SRD5A2: variants seen among roughly 807,000 people sequenced by gnomAD.
The protein encoded by SRD5A2 is 3-oxo-5-alpha-steroid 4-dehydrogenase 2.
SRD5A2 carries 30 observed loss-of-function variants against 27.4 expected under a neutral mutation model. The observed-to-expected ratio is 1.10, with a 90% CI of 0.82 to 1.49. The LOEUF (loss-of-function observed/expected upper bound fraction) is 1.49, where lower values mean the gene tolerates loss of function less well. SRD5A2 is among the 40% of genes most tolerant of loss of function. The probability of loss-of-function intolerance (pLI) is 0.00; values close to 1 mark genes in which losing one functional copy is unlikely to be tolerated. For missense variants in SRD5A2, 348 were observed against 323.4 expected, an observed-to-expected ratio of 1.08 and a Z score of -0.58; for synonymous variants, 141 against 133.6, an observed-to-expected ratio of 1.06 and a Z score of -0.38.
At chr2:31,595,887 G>A in the SRD5A2 span, among the ~76,000 whole-genome samples, 2 of 152,120 alleles carry the variant, frequency 1.3e-5, no homozygotes, top group Admixed American at 6.5e-5. Flanking sequence ...CTGGGACGCA[G>A]GGTTGGCTTA....
Position 31,533,734 on chromosome 2 carries a change from C to A in SRD5A2, c.314G>T (p.Arg105Met). ...GAGAATGAGTATAGCTGGATAAGGC[C>A]TCCCTCGATTGAGCAGTGAGTACAC... Reference protein sequence around the residue: ...TFVYSLLNRGRPYPAILILRG... With the variant: ...TFVYSLLNRGMPYPAILILRG... Residue 105 changes from arginine to methionine, a missense_variant, in exon 2 of 5, where the codon AGG becomes ATG. By Grantham distance (91) the Arg-to-Met change is moderately conservative. Coordinates refer to ENST00000622030, the MANE Select transcript of SRD5A2 (RefSeq NM_000348.4). 6.2e-7 allele frequency: 1 copy of A among 1,603,054 alleles called. No homozygotes were observed. Among genetic ancestry groups the A allele is most frequent in the Admixed American group, 1.7e-5 (1 of 58,696 alleles).
the SRD5A2 span, among the ~76,000 whole-genome samples, chr2:31,630,537 A>G: frequency 1.3e-5 from 2 of 152,218 alleles, no homozygotes; most frequent in African/African-American, 2.4e-5. Context: ...ACTGACAACC[A>G]GTAGCCTTCC....
the SRD5A2 span, among the ~76,000 whole-genome samples, chr2:31,640,755 G>A: frequency 6.6e-6 from 1 of 152,096 alleles, no homozygotes; most frequent in Non-Finnish European, 1.5e-5. Context: ...TTACAAAGCA[G>A]AGTCCCCAGG....
At chr2:31,652,106 T>C in the SRD5A2 span, among the ~76,000 whole-genome samples, 24 of 152,254 alleles carry the variant, frequency 1.6e-4, no homozygotes, top group African/African-American at 5.3e-4. Context: ...TATAGGCCCA[T>C]GCCACCACAC....
chr2:31,580,069 TA>T (rs902099096), intron 1 of SRD5A2, among the ~76,000 whole-genome samples: 1 of 152,172 alleles, frequency 6.6e-6, no homozygotes, highest in Non-Finnish European at 1.5e-5. Context: ...ATTTGGGCTC[TA>T]CCCACCTTCC....
intron 3 of SRD5A2, among the ~76,000 whole-genome samples, chr2:31,530,053 T>A (rs576504103): frequency 6.6e-6 from 1 of 152,254 alleles, no homozygotes; most frequent in East Asian, 1.9e-4. Context: ...GCTTCTAGAT[T>A]TTAAATGTTT....
the SRD5A2 span, among the ~76,000 whole-genome samples, chr2:31,591,943 G>T: frequency 1.6e-5 from 2 of 122,516 alleles, no homozygotes; most frequent in East Asian, 5.6e-4. Context: ...GTTGTGGGGT[G>T]GGGGGAGGGG....
At chr2:31,581,592 G>A (rs933247457), upstream of SRD5A2, among the ~76,000 whole-genome samples, 1 of 152,080 alleles carries the variant, frequency 6.6e-6, no homozygotes, top group Non-Finnish European at 1.5e-5. Context: ...CTGCATCCCC[G>A]CACGCGTCCC....
the SRD5A2 span, among the ~76,000 whole-genome samples, chr2:31,596,825 C>T: frequency 1.3e-5 from 2 of 152,120 alleles, no homozygotes; most frequent in Non-Finnish European, 2.9e-5. Flanking sequence ...CTATGAAATA[C>T]TGCTGAAAGG....
chr2:31,613,642 G>A, the SRD5A2 span, among the ~76,000 whole-genome samples: 6 of 152,294 alleles, frequency 3.9e-5, no homozygotes, highest in African/African-American at 1.4e-4. Flanking sequence ...ATATTCATAT[G>A]ATCCAGCAAT....
chr2:31,650,265 T>C, the SRD5A2 span, among the ~76,000 whole-genome samples: 2 of 152,156 alleles, frequency 1.3e-5, no homozygotes, highest in Non-Finnish European at 2.9e-5. Context: ...GATAGGTTTA[T>C]TTTTTGTATT....
At chr2:31,629,958 G>A in the SRD5A2 span, among the ~76,000 whole-genome samples, 2 of 152,052 alleles carry the variant, frequency 1.3e-5, no homozygotes, top group Admixed American at 6.6e-5. Flanking sequence ...TGTGTCCTTA[G>A]GCATCTAGGC....
At chr2:31,561,343 A>G (rs1218377189) in intron 1 of SRD5A2, among the ~76,000 whole-genome samples, 1 of 152,110 alleles carries the variant, frequency 6.6e-6, no homozygotes, top group Admixed American at 6.6e-5. Context: ...TAGACATATA[A>G]TGATATTTTC....
the SRD5A2 span, among the ~76,000 whole-genome samples, chr2:31,586,843 A>G: frequency 2.0e-5 from 3 of 152,250 alleles, no homozygotes; most frequent in African/African-American, 7.2e-5. Context: ...ACAAGTATCA[A>G]GATAATCCAG....
rs1666001209 is a variant in SRD5A2 at position 31,535,222 on chromosome 2, A to G, written c.282-1456T>C. On this transcript the variant is annotated intron_variant, in intron 1 of 4. Coordinates refer to ENST00000622030, the MANE Select transcript of SRD5A2 (RefSeq NM_000348.4). Reference sequence around the variant, plus strand: ...TTTTTAGTAGAGACAGAGTTTCACCATATTGGCCAGGCTGGTCTGGAACTC... The same window carrying G: ...TTTTTAGTAGAGACAGAGTTTCACCGTATTGGCCAGGCTGGTCTGGAACTC... 2.0e-5 allele frequency among the ~76,000 whole-genome samples: 3 copies of G among 152,188 alleles called. No individual in the cohort carries two copies. The South Asian group carries it at 6.2e-4, about 32-fold the overall frequency.
chr2:31,606,270 C>A, the SRD5A2 span, among the ~76,000 whole-genome samples: 11 of 151,988 alleles, frequency 7.2e-5, no homozygotes, highest in African/African-American at 2.6e-4. Flanking sequence ...TTTAATTGTA[C>A]ACTTTGAAAT....
chr2:31,647,031 GCT>G, the SRD5A2 span, among the ~76,000 whole-genome samples: 1 of 151,762 alleles, frequency 6.6e-6, no homozygotes, highest in Non-Finnish European at 1.5e-5. Context: ...TGTAATTCCA[GCT>G]ACTTGGCAGG....
At chr2:31,599,260 G>A in the SRD5A2 span, among the ~76,000 whole-genome samples, 1 of 151,950 alleles carries the variant, frequency 6.6e-6, no homozygotes, top group South Asian at 2.1e-4. Context: ...CTTCCAGACA[G>A]AAAATCAACC....
upstream of SRD5A2, chr2:31,581,035 A>G (rs1472597139): frequency 3.1e-6 from 3 of 965,412 alleles, no homozygotes; most frequent in Admixed American, 6.1e-5. Flanking sequence ...CCTGCCTCCC[A>G]CCTCGCCGCG....
Sources: allele counts gnomAD v4.1 joint callset (sites outside exome capture counted in the v4.1 genomes callset), GRCh38; gene constraint gnomAD v4.1.1; transcripts MANE v1.5; gene names NCBI Gene and HGNC (gene_info 2026-07-23, HGNC 2026-07-21).